Variants in SCARB2 observed in about 807,000 individuals in gnomAD.
SCARB2 encodes the protein scavenger receptor class B member 2, also known as lysosome membrane protein 2.
Under a neutral mutation model 58.6 loss-of-function variants are expected in SCARB2, and 29 were observed. The ratio of observed to expected loss-of-function variants is 0.49; its 90% CI spans 0.37 to 0.67. SCARB2 has a LOEUF of 0.67. Among genes scored for constraint, SCARB2 ranks in the 30% least tolerant of loss-of-function variants. The probability of loss-of-function intolerance (pLI) is 0.00; values close to 1 mark genes in which losing one functional copy is unlikely to be tolerated. For synonymous variants in SCARB2, 195 were observed against 210.1 expected (o/e 0.93, Z 0.62); for missense variants, 488 against 578.5 (o/e 0.84, Z 1.60).
At chr4:76,229,143 T>C (rs1588214) in intron 1 of SCARB2, among the ~76,000 whole-genome samples, 22,793 of 152,184 alleles carry the variant, frequency 0.15, 2,037 homozygotes, top group East Asian at 0.35. Flanking sequence ...TTTTTCTAAG[T>C]GTGCACTTTA....
At chr4:76,215,868 T>C (rs1217115473), upstream of SCARB2, among the ~76,000 whole-genome samples, 1 of 152,206 alleles carries the variant, frequency 6.6e-6, no homozygotes, top group Admixed American at 6.5e-5. Flanking sequence ...TGGTCCCTGC[T>C]GAGCCCTGCT....
intron 1 of SCARB2, among the ~76,000 whole-genome samples, chr4:76,225,479 A>C (rs1403736991): frequency 6.6e-6 from 1 of 152,182 alleles, no homozygotes; most frequent in Non-Finnish European, 1.5e-5. Flanking sequence ...TCTTAGGGAA[A>C]TGCTTTCAAC....
chr4:76,214,573 T>G, upstream of SCARB2: 1 of 332,074 alleles, frequency 3.0e-6, no homozygotes, highest in South Asian at 2.2e-5. Context: ...TGGTATCCTG[T>G]TAAAGATGTG....
chr4:76,214,354 G>T, upstream of SCARB2: 1 of 452,672 alleles, frequency 2.2e-6, no homozygotes, highest in Non-Finnish European at 4.4e-6. Context: ...AGTTTGTCAC[G>T]TAAGGGGCAT....
chr4:76,233,572 TCACA>T (rs879323914), intron 1 of SCARB2, among the ~76,000 whole-genome samples: 3 of 71,722 alleles, frequency 4.2e-5, no homozygotes, highest in African/African-American at 1.5e-4. Flanking sequence ...TTTACAGACA[TCACA>T]CACACACACG....
At chr4:76,223,660 A>G (rs988523886) in intron 1 of SCARB2, among the ~76,000 whole-genome samples, 4 of 152,206 alleles carry the variant, frequency 2.6e-5, no homozygotes, top group Non-Finnish European at 4.4e-5. Context: ...GCATTTGAAC[A>G]AGAACAACCT....
At chr4:76,172,845 G>A (rs1732160993) in intron 7 of SCARB2, 1 of 152,076 alleles carries the variant, frequency 6.6e-6, no homozygotes, top group Non-Finnish European at 1.5e-5. Flanking sequence ...AGATAGATAA[G>A]GGAGCAAAAG....
chr4:76,165,305 T>C (rs188288024), intron 10 of SCARB2: 2 of 152,294 alleles, frequency 1.3e-5, no homozygotes, highest in Admixed American at 1.3e-4. Context: ...AGTTTGTAAA[T>C]GTGAATACCA....
intron 1 of SCARB2, among the ~76,000 whole-genome samples, chr4:76,199,615 C>A (rs1367226985): frequency 1.3e-5 from 2 of 152,140 alleles, no homozygotes; most frequent in Non-Finnish European, 2.9e-5. Context: ...AACTGGTTGT[C>A]CTGTATTTTA....
intron 1 of SCARB2, among the ~76,000 whole-genome samples, chr4:76,219,361 A>C (rs1455948515): frequency 6.6e-6 from 1 of 152,180 alleles, no homozygotes; most frequent in African/African-American, 2.4e-5. Context: ...CTGACGTGAA[A>C]TGTATTCTAG....
intron 3 of SCARB2, chr4:76,180,098 T>C (rs1449909452): frequency 6.1e-6 from 2 of 325,384 alleles, no homozygotes; most frequent in Non-Finnish European, 1.2e-5. Context: ...AGGGACCTCA[T>C]ACTGTCTAGG....
chr4:76,169,887 T>G lies in SCARB2; in HGVS notation c.1093A>C (p.Thr365Pro), dbSNP rs1396583586. The change falls in exon 8 of 12, where the codon ACA (threonine) becomes CCA (proline). Residue 365 changes from threonine (T) to proline (P), a missense_variant. Physicochemically the swap from Thr to Pro is conservative, Grantham distance 38 (BLOSUM62 -1). Coordinates refer to ENST00000264896, the MANE Select transcript of SCARB2 (RefSeq NM_005506.4). ...CTCACAGGATTAATGTCCACAAATGTCTCATGGTCTTCCTGATTTGGGTGC... is the reference window on the plus strand; with the variant it reads ...CTCACAGGATTAATGTCCACAAATGGCTCATGGTCTTCCTGATTTGGGTGC... ...GMHPNQEDHE[T>P]FVDINPLTGI... 6.2e-7 allele frequency: 1 copy of G among 1,613,284 alleles called. No individual in the cohort carries two copies. The highest frequency in any genetic ancestry group is 1.3e-5 in the African/African-American group (1 of 74,924).
chr4:76,202,477 T>C (rs1732849061), intron 1 of SCARB2, among the ~76,000 whole-genome samples: 1 of 152,182 alleles, frequency 6.6e-6, no homozygotes, highest in African/African-American at 2.4e-5. Flanking sequence ...GTCAGGCTGA[T>C]CTTGAACTCC....
chr4:76,200,165 C>T (rs1732800864), intron 1 of SCARB2, among the ~76,000 whole-genome samples: 1 of 152,202 alleles, frequency 6.6e-6, no homozygotes, highest in Non-Finnish European at 1.5e-5. Flanking sequence ...AACAACTGAT[C>T]TTCCTCACCG....
Position 76,202,138 on chromosome 4 carries a change from TAGAAG to T in SCARB2, c.118-6279_118-6275del, listed in dbSNP as rs35925750. 3.1e-3 allele frequency among the ~76,000 whole-genome samples: 468 copies of T among 152,374 alleles called. 2 individuals carry two copies. The highest frequency in any genetic ancestry group is 0.011 in the African/African-American group (456 of 41,596). On this transcript the variant is annotated intron_variant, in intron 1 of 11. Coordinates refer to ENST00000264896, the MANE Select transcript of SCARB2 (RefSeq NM_005506.4). The stretch of plus-strand genomic sequence containing the variant: ...TCTACAGAAATTTCTATATTCATAT[TAGAAG>T]AGATGTTTAAAGTAGCAGATAACAT...
At chr4:76,175,670 C>T in intron 6 of SCARB2, 121 bp downstream of exon 6, 1 of 1,171,118 alleles carries the variant, frequency 8.5e-7, no homozygotes, top group African/African-American at 1.5e-5. Context: ...CAGCATTTAT[C>T]ACTGATTATG....
chr4:76,207,695 G>A (rs193039456), intron 1 of SCARB2, among the ~76,000 whole-genome samples: 11 of 152,250 alleles, frequency 7.2e-5, no homozygotes, highest in African/African-American at 2.6e-4. Context: ...CTAGTAACTT[G>A]GCCAACATCC....
intron 1 of SCARB2, among the ~76,000 whole-genome samples, chr4:76,209,614 G>A (rs569051821): frequency 5.3e-5 from 8 of 152,224 alleles, no homozygotes; most frequent in East Asian, 1.9e-4. Flanking sequence ...TGATCCACCC[G>A]ATTCAGCCTC....
chr4:76,194,116 GC>G (rs1393521916), intron 2 of SCARB2: 1 of 152,244 alleles, frequency 6.6e-6, no homozygotes, highest in Non-Finnish European at 1.5e-5. Context: ...CATGTAACGT[GC>G]CTGCTCCTGC....
Sources: allele counts gnomAD v4.1 joint callset (sites outside exome capture counted in the v4.1 genomes callset), GRCh38; gene constraint gnomAD v4.1.1; transcripts MANE v1.5; gene names NCBI Gene and HGNC (gene_info 2026-07-23, HGNC 2026-07-21).